Variants in CSNK2A2IP observed in about 807,000 individuals in gnomAD.
The protein encoded by CSNK2A2IP is casein kinase II subunit alpha'-interacting protein.
chr3:88,413,990 AG>A, the CSNK2A2IP span, among the ~76,000 whole-genome samples: 1 of 151,802 alleles, frequency 6.6e-6, no homozygotes, highest in African/African-American at 2.4e-5. Context: ...AAGTAAATAA[AG>A]ATATTAAAAT....
the CSNK2A2IP span, among the ~76,000 whole-genome samples, chr3:88,370,037 TG>T: frequency 1.3e-5 from 2 of 151,750 alleles, no homozygotes; most frequent in African/African-American, 4.8e-5. Context: ...CTTCACACCA[TG>T]GGGGAGACAA....
At chr3:88,450,777 C>T in the CSNK2A2IP span, among the ~76,000 whole-genome samples, 2 of 152,026 alleles carry the variant, frequency 1.3e-5, no homozygotes, top group Non-Finnish European at 2.9e-5. Flanking sequence ...GTCATTTTCA[C>T]AGCTTTGCTA....
the CSNK2A2IP span, among the ~76,000 whole-genome samples, chr3:88,463,670 G>A: frequency 6.6e-6 from 1 of 152,164 alleles, no homozygotes; most frequent in South Asian, 2.1e-4. Flanking sequence ...TGGAGAGGAT[G>A]TGGAGAAATA....
chr3:88,397,086 G>A, the CSNK2A2IP span, among the ~76,000 whole-genome samples: 1 of 152,162 alleles, frequency 6.6e-6, no homozygotes, highest in Admixed American at 6.5e-5. Context: ...AGTGTGCTTG[G>A]TGCTCAGTAA....
At chr3:88,459,205 C>T in the CSNK2A2IP span, among the ~76,000 whole-genome samples, 2 of 152,062 alleles carry the variant, frequency 1.3e-5, no homozygotes, top group African/African-American at 2.4e-5. Context: ...AAACTGTGAC[C>T]TTTCCTGGAT....
the CSNK2A2IP span, among the ~76,000 whole-genome samples, chr3:88,347,504 G>T: frequency 6.6e-6 from 1 of 152,172 alleles, no homozygotes; most frequent in South Asian, 2.1e-4. Context: ...GCCTCCATCA[G>T]CAAAAACATT....
chr3:88,386,624 G>A, the CSNK2A2IP span, among the ~76,000 whole-genome samples: 2 of 152,174 alleles, frequency 1.3e-5, no homozygotes, highest in African/African-American at 4.8e-5. Flanking sequence ...GAAGAACAGA[G>A]TACCAGAATT....
the CSNK2A2IP span, among the ~76,000 whole-genome samples, chr3:88,353,623 G>A: frequency 6.6e-6 from 1 of 152,086 alleles, no homozygotes; most frequent in African/African-American, 2.4e-5. Flanking sequence ...TCTTAACTTA[G>A]CTTATCTTGA....
the CSNK2A2IP span, among the ~76,000 whole-genome samples, chr3:88,429,388 G>T: frequency 6.6e-6 from 1 of 152,188 alleles, no homozygotes; most frequent in Non-Finnish European, 1.5e-5. Flanking sequence ...CCAAAAGGAT[G>T]CCTGGGAAGT....
chr3:88,422,290 G>C, the CSNK2A2IP span, among the ~76,000 whole-genome samples: 1 of 152,154 alleles, frequency 6.6e-6, no homozygotes. Flanking sequence ...AGAACTGTTT[G>C]ATGAGTTTAA....
chr3:88,433,763 C>T, the CSNK2A2IP span, among the ~76,000 whole-genome samples: 1 of 152,138 alleles, frequency 6.6e-6, no homozygotes, highest in Non-Finnish European at 1.5e-5. Flanking sequence ...AAAAACAGAG[C>T]AGACACATCC....
chr3:88,400,391 G>A, the CSNK2A2IP span, among the ~76,000 whole-genome samples: 7 of 152,088 alleles, frequency 4.6e-5, no homozygotes, highest in South Asian at 1.0e-3. Context: ...GGAGAAAGGG[G>A]TGGTAGGCAG....
chr3:88,428,163 C>T, the CSNK2A2IP span, among the ~76,000 whole-genome samples: 20 of 152,204 alleles, frequency 1.3e-4, no homozygotes, highest in Admixed American at 3.9e-4. Context: ...TTGGCTGCCC[C>T]GCTGGATTTT....
chr3:88,439,860 A>C, the CSNK2A2IP span, among the ~76,000 whole-genome samples: 1 of 152,190 alleles, frequency 6.6e-6, no homozygotes, highest in Non-Finnish European at 1.5e-5. Flanking sequence ...CTAAACTGGA[A>C]GCTGACCTCC....
the CSNK2A2IP span, among the ~76,000 whole-genome samples, chr3:88,444,618 A>G: frequency 6.6e-6 from 1 of 152,206 alleles, no homozygotes; most frequent in Non-Finnish European, 1.5e-5. Flanking sequence ...CAGAAATGTT[A>G]TGTATATGTG....
the CSNK2A2IP span, among the ~76,000 whole-genome samples, chr3:88,463,784 C>T: frequency 6.6e-6 from 1 of 152,130 alleles, no homozygotes; most frequent in African/African-American, 2.4e-5. Flanking sequence ...CCATTTGACC[C>T]AGCCATCCCA....
At chr3:88,391,935 CAGTGAGAAT>C in the CSNK2A2IP span, among the ~76,000 whole-genome samples, 3 of 152,084 alleles carry the variant, frequency 2.0e-5, no homozygotes, top group African/African-American at 7.2e-5. Flanking sequence ...TGAGTGGTTG[CAGTGAGAAT>C]AGTGAGGAGG....
At chr3:88,399,564 G>A in the CSNK2A2IP span, 1 of 152,152 alleles carries the variant, frequency 6.6e-6, no homozygotes. Flanking sequence ...ATGCTGGTAA[G>A]GTGCTGGACA....
chr3:88,401,791 A>G, the CSNK2A2IP span, among the ~76,000 whole-genome samples: 1 of 152,116 alleles, frequency 6.6e-6, no homozygotes, highest in Non-Finnish European at 1.5e-5. Flanking sequence ...TTTTCTTAAG[A>G]AGGAAAAAAG....
Sources: gnomAD v4.1 joint callset for allele counts (sites outside exome capture counted in the v4.1 genomes callset) on GRCh38, gnomAD v4.1.1 for gene constraint, MANE v1.5 for transcripts, NCBI Gene and HGNC (gene_info 2026-07-23, HGNC 2026-07-21) for gene names.